GAB1: variants seen among roughly 807,000 people sequenced by gnomAD.
The protein encoded by GAB1 is GRB2-associated-binding protein 1.
GAB1 carries 19 observed loss-of-function variants against 66.5 expected under a neutral mutation model. The observed-to-expected ratio is 0.29, with a 90% CI of 0.20 to 0.42. GAB1 has a LOEUF of 0.42. Ranked by LOEUF, GAB1 falls within the 10% of genes least tolerant of loss-of-function variation. GAB1 has a pLI of 1.00. For synonymous variants in GAB1, 294 were observed against 301.4 expected, an observed-to-expected ratio of 0.98 and a Z score of 0.25; for missense variants, 732 against 858.5, an observed-to-expected ratio of 0.85 and a Z score of 1.84.
At position 143,474,269 on chromosome 4, in the gene GAB1, G is replaced by A. The variant is rs1010260801; in HGVS notation, c.*5080G>A. ...TTATTACTATTACTTATGGTTATTG[G>A]TGATTAACACTTAATGCGTCTCCTC... is the stretch of plus-strand genomic sequence containing the variant. On this transcript the variant is annotated 3_prime_UTR_variant, in exon 10 of 10. Coordinates refer to ENST00000262994, the MANE Select transcript of GAB1 (RefSeq NM_002039.4). 1.4e-4 allele frequency: 22 copies of A among 152,230 alleles called. No individual in the cohort carries two copies. The highest frequency in any genetic ancestry group is 3.4e-3 in the Middle Eastern group (1 of 294). The allele number at this position is 152,230 out of a possible 1,614,324, so 9.4% of individuals were successfully genotyped here.
chr4:143,369,903 T>C (rs796377742), intron 1 of GAB1, among the ~76,000 whole-genome samples: 5 of 152,354 alleles, frequency 3.3e-5, no homozygotes, highest in African/African-American at 9.6e-5. Flanking sequence ...GTTATTTCCA[T>C]AGCAGCACTA....
intron 1 of GAB1, among the ~76,000 whole-genome samples, chr4:143,372,969 C>T (rs939835944): frequency 1.3e-5 from 2 of 151,920 alleles, no homozygotes; most frequent in Non-Finnish European, 2.9e-5. Context: ...TTAGGTAATG[C>T]TTATTAGACT....
At chr4:143,355,346 A>G (rs959789266) in intron 1 of GAB1, among the ~76,000 whole-genome samples, 1 of 152,002 alleles carries the variant, frequency 6.6e-6, no homozygotes, top group African/African-American at 2.4e-5. Context: ...ACCCTTGCAC[A>G]TTTCCAGAGC....
chr4:143,439,056 T>C (rs183840602), intron 4 of GAB1, among the ~76,000 whole-genome samples: 5 of 152,328 alleles, frequency 3.3e-5, no homozygotes, highest in African/African-American at 1.2e-4. Flanking sequence ...CAGGTGATAT[T>C]CTGTTCCAGT....
At chr4:143,411,666 A>C (rs1732397924) in intron 1 of GAB1, among the ~76,000 whole-genome samples, 1 of 152,186 alleles carries the variant, frequency 6.6e-6, no homozygotes, top group Non-Finnish European at 1.5e-5. Flanking sequence ...AGACTGATTT[A>C]TGTGGGCCCG....
intron 1 of GAB1, among the ~76,000 whole-genome samples, chr4:143,352,300 TG>T (rs1427296825): frequency 6.6e-6 from 1 of 152,240 alleles, no homozygotes; most frequent in African/African-American, 2.4e-5. Context: ...CTACTGTAAT[TG>T]GCAGCAGCCA....
chr4:143,433,254 A>G lies in GAB1; in HGVS notation c.368-237A>G, dbSNP rs545844575. Among the ~76,000 whole-genome samples the G allele has an allele frequency of 1.7e-3, 264 of 152,314 alleles. 1 individual carries two copies. Among genetic ancestry groups the G allele is most frequent in the Non-Finnish European group, 3.4e-3 (230 of 68,014 alleles). ...AAGACTGTTCAAGCAAAGGTTAGCC[A>G]TGGCTTTTTTAGAGGATCTGGAATA... On this transcript the variant is annotated intron_variant, in intron 2 of 9. Transcript: ENST00000262994.
At chr4:143,452,418 T>C (rs1734976540) in intron 6 of GAB1, among the ~76,000 whole-genome samples, 1 of 152,204 alleles carries the variant, frequency 6.6e-6, no homozygotes. Context: ...GCATATATTT[T>C]CTAGTTAGCG....
At chr4:143,366,076 G>A (rs73853816) in intron 1 of GAB1, among the ~76,000 whole-genome samples, 3,177 of 152,266 alleles carry the variant, frequency 0.021, 104 homozygotes, top group African/African-American at 0.072. Flanking sequence ...GGAATCATAC[G>A]TGAATAAAAT....
chr4:143,348,967 C>T (rs1479343682), intron 1 of GAB1, among the ~76,000 whole-genome samples: 2 of 152,336 alleles, frequency 1.3e-5, no homozygotes, highest in Admixed American at 1.3e-4. Context: ...CTGAACTCCA[C>T]CACCACTGCC....
intron 2 of GAB1, among the ~76,000 whole-genome samples, chr4:143,420,167 C>G (rs1732939341): frequency 6.6e-6 from 1 of 152,112 alleles, no homozygotes. Context: ...AAGCCTTCTG[C>G]TCTTCCTGTT....
chr4:143,350,882 A>AG (rs1183695052), intron 1 of GAB1, among the ~76,000 whole-genome samples: 1 of 152,188 alleles, frequency 6.6e-6, no homozygotes, highest in African/African-American at 2.4e-5. Flanking sequence ...TTTTTAGTAG[A>AG]GGTGGGTAGG....
chr4:143,457,157 G>T (rs1205263590), intron 6 of GAB1, among the ~76,000 whole-genome samples: 1 of 152,296 alleles, frequency 6.6e-6, no homozygotes, highest in South Asian at 2.1e-4. Flanking sequence ...TCTTGTTCAG[G>T]AGGTGCAGGA....
chr4:143,375,941 C>T (rs1730398801), intron 1 of GAB1, among the ~76,000 whole-genome samples: 1 of 152,106 alleles, frequency 6.6e-6, no homozygotes, highest in African/African-American at 2.4e-5. Context: ...ATAGCCGCCC[C>T]CTAATTGAGA....
At chr4:143,391,862 A>G (rs1578644007) in intron 1 of GAB1, among the ~76,000 whole-genome samples, 1 of 152,184 alleles carries the variant, frequency 6.6e-6, no homozygotes, top group Non-Finnish European at 1.5e-5. Flanking sequence ...AGGACAGCCA[A>G]GTTGTGAGTT....
intron 1 of GAB1, among the ~76,000 whole-genome samples, chr4:143,383,374 C>G (rs559155081): frequency 6.6e-6 from 1 of 152,208 alleles, no homozygotes; most frequent in South Asian, 2.1e-4. Flanking sequence ...TCTTTGTCCT[C>G]TTATAGAACC....
At chr4:143,365,542 C>T (rs981727312) in intron 1 of GAB1, among the ~76,000 whole-genome samples, 2 of 152,180 alleles carry the variant, frequency 1.3e-5, no homozygotes, top group African/African-American at 4.8e-5. Flanking sequence ...CTATACCCCT[C>T]TTGACAACTT....
intron 1 of GAB1, among the ~76,000 whole-genome samples, chr4:143,406,137 T>C (rs960850292): frequency 6.6e-6 from 1 of 152,222 alleles, no homozygotes; most frequent in South Asian, 2.1e-4. Flanking sequence ...GAGGATAGTC[T>C]TGTGAAAACT....
rs770122143 is a variant in GAB1, at chr4:143,415,796, A to G, written c.367+25A>G. Reference sequence around the variant, plus strand: ...GGTAAGTTCAAGATATTACTATTCAACTTGAATTCTTCTTTTCTGCTACAT... The same window carrying G: ...GGTAAGTTCAAGATATTACTATTCAGCTTGAATTCTTCTTTTCTGCTACAT... On this transcript the variant is annotated intron_variant, in intron 2 of 9. Coordinates refer to ENST00000262994, the MANE Select transcript of GAB1 (RefSeq NM_002039.4). 1.8e-5 allele frequency: 27 copies of G among 1,498,556 alleles called. No homozygotes were observed. In the South Asian group the frequency reaches 3.2e-4, roughly 18 times the overall value. 92.8% of individuals were successfully genotyped at this position (1,498,556 alleles called of 1,614,324 possible).
Sources: allele counts gnomAD v4.1 joint callset (sites outside exome capture counted in the v4.1 genomes callset), GRCh38; gene constraint gnomAD v4.1.1; transcripts MANE v1.5; gene names NCBI Gene and HGNC (gene_info 2026-07-23, HGNC 2026-07-21).